NFIA: variants seen among roughly 807,000 people sequenced by gnomAD.
NFIA encodes nuclear factor 1 A-type.
Under a neutral mutation model 62.8 loss-of-function variants are expected in NFIA, and 8 were observed. That is an observed-to-expected ratio of 0.13 (90% CI 0.07 to 0.23). The LOEUF (loss-of-function observed/expected upper bound fraction) is 0.23. Ranked by LOEUF, NFIA falls within the 10% of genes least tolerant of loss-of-function variation. The probability of loss-of-function intolerance (pLI) is 1.00; values close to 1 mark genes in which losing one functional copy is unlikely to be tolerated. For missense variants in NFIA, 410 were observed against 642.1 expected (o/e 0.64, Z 3.91); for synonymous variants, 235 against 238.1 (o/e 0.99, Z 0.12).
chr1:61,113,596 GA>G (rs376543670), intron 2 of NFIA, among the ~76,000 whole-genome samples: 2,624 of 106,938 alleles, frequency 0.025, 83 homozygotes, highest in African/African-American at 0.088. Context: ...CTCCATCTCA[GA>G]AAAAAAAAAA....
chr1:61,297,195 C>G (rs887431966), intron 3 of NFIA, among the ~76,000 whole-genome samples: 2 of 152,194 alleles, frequency 1.3e-5, no homozygotes, highest in Admixed American at 1.3e-4. Context: ...AAATCACTCT[C>G]TTTTCAAGAT....
At chr1:61,256,047 G>A (rs532191838) in intron 2 of NFIA, among the ~76,000 whole-genome samples, 20 of 152,210 alleles carry the variant, frequency 1.3e-4, no homozygotes, top group African/African-American at 4.3e-4. Context: ...CGACCACATT[G>A]GAAGAAGAAG....
In NFIA at chr1:61,457,261, G is replaced by A. The variant is rs1668351500; in HGVS notation, c.*1941G>A. The A allele has an allele frequency of 2.0e-5, 3 of 151,968 alleles. No individual in the cohort carries two copies. The highest frequency in any genetic ancestry group is 7.3e-5 in the African/African-American group (3 of 41,344). 9.4% of individuals were successfully genotyped at this position (151,968 alleles called of 1,614,324 possible). A position where few individuals can be genotyped will look rare whatever the true frequency, so the allele number is the denominator to read the frequency against. On this transcript the variant is annotated 3_prime_UTR_variant, in exon 11 of 11. Coordinates refer to ENST00000403491, the MANE Select transcript of NFIA (RefSeq NM_001134673.4). This position sits in a 1 kb window ranked among gnomAD's most constrained non-coding sequence, Gnocchi z 4.2. ...ACGAAAACAAAAATTCCATATCAAT[G>A]TGCCTTGCCCTGGATAGCGATTATT...
intron 3 of NFIA, among the ~76,000 whole-genome samples, chr1:61,302,411 G>T (rs1459998659): frequency 6.6e-6 from 1 of 152,132 alleles, no homozygotes; most frequent in African/African-American, 2.4e-5. Flanking sequence ...GCAACTGGGA[G>T]GTCCCAGGAC....
intron 9 of NFIA, among the ~76,000 whole-genome samples, chr1:61,422,798 T>C (rs1666692823): frequency 6.8e-6 from 1 of 147,304 alleles, no homozygotes; most frequent in South Asian, 2.2e-4. Context: ...CTACTAACCC[T>C]CTCCACCCCA....
chr1:61,294,650 G>A (rs76699503), intron 3 of NFIA, among the ~76,000 whole-genome samples: 2,085 of 152,290 alleles, frequency 0.014, 35 homozygotes, highest in African/African-American at 0.048. Flanking sequence ...ATGAAAGCAA[G>A]GATTGTTTTT....
rs968730847 is a variant in NFIA at position 61,456,764 on chromosome 1, A to T, written c.*1444A>T. 2.0e-5 allele frequency: 3 copies of T among 146,812 alleles called. No individual in the cohort carries two copies. Among genetic ancestry groups the T allele is most frequent in the Non-Finnish European group, 4.5e-5 (3 of 67,294 alleles). The allele number at this position is 146,812 out of a possible 1,614,324, so 9.1% of individuals were successfully genotyped here. On this transcript the variant is annotated 3_prime_UTR_variant, in exon 11 of 11. Transcript: ENST00000403491. ...GGTACTTGTTAGGGAAAAAAAAAAA[A>T]GTTTGCACCCCCAAACGTCCTGTAT...
At chr1:61,099,232 G>A (rs17121598) in intron 2 of NFIA, among the ~76,000 whole-genome samples, 9,204 of 152,208 alleles carry the variant, frequency 0.06, 391 homozygotes, top group African/African-American at 0.11. Flanking sequence ...CTTTATGTGC[G>A]GTTGAATCTT....
At chr1:61,450,569 T>G (rs942744896) in intron 10 of NFIA, among the ~76,000 whole-genome samples, 1 of 152,190 alleles carries the variant, frequency 6.6e-6, no homozygotes, top group Non-Finnish European at 1.5e-5. Flanking sequence ...GAGCTGGGCC[T>G]GCAGGGTGCG....
At chr1:61,106,887 T>G (rs1646610220) in intron 2 of NFIA, among the ~76,000 whole-genome samples, 2 of 151,592 alleles carry the variant, frequency 1.3e-5, no homozygotes, top group South Asian at 4.1e-4. Context: ...ACTAAATATA[T>G]TGTTCAGTTT....
chr1:61,220,856 G>C (rs1398341507), intron 2 of NFIA, among the ~76,000 whole-genome samples: 1 of 152,154 alleles, frequency 6.6e-6, no homozygotes, highest in Non-Finnish European at 1.5e-5. Flanking sequence ...GGTTTAAAAA[G>C]TGTTTTTATT....
At chr1:61,368,060 A>T (rs1288624866) in intron 6 of NFIA, among the ~76,000 whole-genome samples, 1 of 152,226 alleles carries the variant, frequency 6.6e-6, no homozygotes, top group African/African-American at 2.4e-5. Flanking sequence ...GAGAACCCAG[A>T]TGTACAATTT....
At chr1:61,260,440 G>T (rs533841781) in intron 2 of NFIA, among the ~76,000 whole-genome samples, 21 of 152,320 alleles carry the variant, frequency 1.4e-4, no homozygotes, top group Admixed American at 1.4e-3. Context: ...GGTGAGGACA[G>T]AGCTTGGTGA....
At chr1:61,269,880 C>T (rs915536469) in intron 2 of NFIA, among the ~76,000 whole-genome samples, 5 of 152,174 alleles carry the variant, frequency 3.3e-5, no homozygotes, top group Non-Finnish European at 5.9e-5. Flanking sequence ...ATGGGAAATT[C>T]ATTTGCATAC....
chr1:61,452,658 C>T (rs1479088569), intron 10 of NFIA, among the ~76,000 whole-genome samples: 2 of 152,118 alleles, frequency 1.3e-5, no homozygotes, highest in African/African-American at 4.8e-5. Context: ...TTGCTAAAAT[C>T]ATCTCAAGGA....
chr1:61,238,531 T>C (rs1196924728), intron 2 of NFIA, among the ~76,000 whole-genome samples: 1 of 152,188 alleles, frequency 6.6e-6, no homozygotes, highest in Non-Finnish European at 1.5e-5. Context: ...TGCAAGTCAA[T>C]GGAGAATTGC....
intron 2 of NFIA, chr1:61,132,725 A>T (rs1647102818): frequency 6.6e-6 from 1 of 152,188 alleles, no homozygotes; most frequent in Non-Finnish European, 1.5e-5. Flanking sequence ...GTAACACAAC[A>T]CTTTAGATAT....
intron 2 of NFIA, among the ~76,000 whole-genome samples, chr1:61,253,908 T>A (rs1656209362): frequency 6.6e-6 from 1 of 152,240 alleles, no homozygotes; most frequent in Non-Finnish European, 1.5e-5. Flanking sequence ...TTCAGGTACA[T>A]CCTTCATTAA....
Position 61,461,240 on chromosome 1 carries a change from T to A in NFIA, c.*5920T>A, listed in dbSNP as rs1337392725. 1 of 152,156 alleles carries A rather than the reference T, an allele frequency of 6.6e-6. No individual in the cohort carries two copies. The highest frequency in any genetic ancestry group is 1.5e-5 in the Non-Finnish European group (1 of 68,020). The allele number at this position is 152,156 out of a possible 1,614,324, so 9.4% of individuals were successfully genotyped here. On this transcript the variant is annotated 3_prime_UTR_variant, in exon 11 of 11. Transcript: ENST00000403491. ...GGACAATGTTCAAGCCAGGTACCCA[T>A]GCTTGATCTGTCTTCACACCAGACC...
Sources: gnomAD v4.1 joint callset for allele counts (sites outside exome capture counted in the v4.1 genomes callset) on GRCh38, gnomAD v4.1.1 for gene constraint, Gnocchi (gnomAD v3.1) non-coding constraint, MANE v1.5 for transcripts, NCBI Gene and HGNC (gene_info 2026-07-23, HGNC 2026-07-21) for gene names.